BTLA: variants seen among roughly 807,000 people sequenced by gnomAD.
The protein encoded by BTLA is B and T lymphocyte associated, also known as B- and T-lymphocyte attenuator.
Under a neutral mutation model 25.0 loss-of-function variants are expected in BTLA, and 11 were observed. That is an observed-to-expected ratio of 0.44 (90% CI 0.28 to 0.73). The LOEUF is 0.73. Among genes scored for constraint, BTLA ranks in the 30% least tolerant of loss-of-function variants. BTLA has a pLI of 0.15. For synonymous variants in BTLA, 104 were observed against 119.8 expected (o/e 0.87, Z 0.86); for missense variants, 282 against 332.8 (o/e 0.85, Z 1.19).
chr3:112,476,550 A>G (rs1261613631), intron 2 of BTLA, among the ~76,000 whole-genome samples: 1 of 152,236 alleles, frequency 6.6e-6, no homozygotes, highest in African/African-American at 2.4e-5. Context: ...TGCTATTGCA[A>G]TAACCCTCTT....
At chr3:112,487,865 C>G (rs1011578959) in intron 1 of BTLA, among the ~76,000 whole-genome samples, 3 of 152,162 alleles carry the variant, frequency 2.0e-5, no homozygotes, top group Admixed American at 6.5e-5. Flanking sequence ...GGAAAGGCTT[C>G]ATGGGGGAAG....
At chr3:112,496,766 C>T (rs969477152) in intron 1 of BTLA, among the ~76,000 whole-genome samples, 1 of 148,800 alleles carries the variant, frequency 6.7e-6, no homozygotes, top group African/African-American at 2.5e-5. Context: ...AAGTCTTTCC[C>T]TTTTTTTTTT....
Position 112,479,450 on chromosome 3 carries a change from C to T in BTLA, c.403+5G>A. On this transcript the variant is annotated splice_donor_5th_base_variant and intron_variant, in intron 2 of 4. Transcript: ENST00000334529. ...TATCAGATGGTCTAGGTGTTGAGAA[C>T]TCACCTGTCACATAAAGAGTTGTTG... The T allele has an allele frequency of 1.9e-6, 3 of 1,603,072 alleles. No individual in the cohort carries two copies. The highest frequency in any genetic ancestry group is 2.6e-6 in the Non-Finnish European group (3 of 1,172,880).
At chr3:112,499,599 AGGTTG>A, upstream of BTLA, 1 of 422,292 alleles carries the variant, frequency 2.4e-6, no homozygotes, top group Non-Finnish European at 4.2e-6. Context: ...GCTTCTTGTC[AGGTTG>A]GCTGTTCACT....
chr3:112,498,357 C>T (rs1026048719), intron 1 of BTLA, among the ~76,000 whole-genome samples: 2 of 151,804 alleles, frequency 1.3e-5, no homozygotes, highest in Non-Finnish European at 2.9e-5. Flanking sequence ...CGATTGAACC[C>T]GGGAGGCAGA....
chr3:112,470,820 G>A (rs2082258105), intron 3 of BTLA, among the ~76,000 whole-genome samples: 1 of 152,198 alleles, frequency 6.6e-6, no homozygotes, highest in African/African-American at 2.4e-5. Flanking sequence ...TGGTGTGGCT[G>A]TGAAAAGAGG....
At chr3:112,486,323 C>A (rs1198662191) in intron 1 of BTLA, among the ~76,000 whole-genome samples, 2 of 152,188 alleles carry the variant, frequency 1.3e-5, no homozygotes, top group East Asian at 3.9e-4. Context: ...ATTTGAGCAA[C>A]CCCTTTCTCT....
chr3:112,484,384 T>C (rs934342185), intron 1 of BTLA, among the ~76,000 whole-genome samples: 1 of 152,212 alleles, frequency 6.6e-6, no homozygotes, highest in Non-Finnish European at 1.5e-5. Context: ...CATTTGAACA[T>C]GTCTGTTTCA....
intron 1 of BTLA, among the ~76,000 whole-genome samples, chr3:112,485,977 C>T (rs374899227): frequency 5.8e-4 from 89 of 152,224 alleles, no homozygotes; most frequent in African/African-American, 1.6e-3. Context: ...ATTAGCCGGG[C>T]GTGGTGGCGG....
chr3:112,485,190 A>G (rs1174060369), intron 1 of BTLA, among the ~76,000 whole-genome samples: 1 of 151,374 alleles, frequency 6.6e-6, no homozygotes, highest in African/African-American at 2.4e-5. Flanking sequence ...GATTACAGGC[A>G]CCCACAACCA....
intron 1 of BTLA, among the ~76,000 whole-genome samples, chr3:112,485,900 C>G (rs2082344655): frequency 6.6e-6 from 1 of 152,230 alleles, no homozygotes; most frequent in Admixed American, 6.5e-5. Context: ...ATCACGAGGT[C>G]AGGAGATAGA....
chr3:112,479,085 G>C (rs1014065096), intron 2 of BTLA, among the ~76,000 whole-genome samples: 1 of 149,282 alleles, frequency 6.7e-6, no homozygotes, highest in Admixed American at 6.7e-5. Context: ...ATGGGAAAAA[G>C]AGAAAAAAAA....
chr3:112,469,720 AC>A, intron 4 of BTLA, 37 bp downstream of exon 4: 1 of 1,575,790 alleles, frequency 6.3e-7, no homozygotes, highest in Non-Finnish European at 8.7e-7. Flanking sequence ...ACAGTATAAC[AC>A]AAATTGCATT....
In BTLA at chr3:112,484,735, A is replaced by G. The variant is rs2082337239; in HGVS notation, c.89-4966T>C. ...GCAAAGTGGGTTAGGGGTGGAGAAA[A>G]GAGCTAGCTTTTTGTGTTGGTGGCA... On this transcript the variant is annotated intron_variant, in intron 1 of 4. Coordinates refer to ENST00000334529, the MANE Select transcript of BTLA (RefSeq NM_181780.4). Among the ~76,000 whole-genome samples the G allele has an allele frequency of 2.0e-5, 3 of 152,194 alleles. No homozygotes were observed. In the South Asian group the frequency reaches 6.2e-4, roughly 32 times the overall value.
At position 112,479,556 on chromosome 3, in the gene BTLA, T is replaced by C. The variant is rs1458803288; in HGVS notation, c.302A>G (p.His101Arg). 4 of 1,614,136 alleles carry C rather than the reference T, an allele frequency of 2.5e-6. No homozygotes were observed. Among genetic ancestry groups the C allele is most frequent in the East Asian group, 2.2e-5 (1 of 44,878 alleles). The part of the protein sequence containing the change: ...EEKNISFFIL[H>R]FEPVLPNDNG... ...GTCATTAGGAAGCACTGGTTCAAAATGTAGAATGAAAAATGAAATGTTCTT... is the reference window on the plus strand; with the variant it reads ...GTCATTAGGAAGCACTGGTTCAAAACGTAGAATGAAAAATGAAATGTTCTT... The change falls in exon 2 of 5, where the codon CAT becomes CGT. Residue 101 changes from histidine (H) to arginine (R), a missense_variant. Physicochemically the swap from His to Arg is conservative, Grantham distance 29. Around this residue, in one of 2 missense-constraint regions of BTLA, gnomAD observed 163 missense variants for 230.4 expected, o/e 0.71. Coordinates refer to ENST00000334529, the MANE Select transcript of BTLA (RefSeq NM_181780.4).
chr3:112,479,800 T>A lies in BTLA; in HGVS notation c.89-31A>T, dbSNP rs1038102038. 4.0e-6 allele frequency: 6 copies of A among 1,509,856 alleles called. No individual in the cohort carries two copies. In the African/African-American group the frequency reaches 8.4e-5, roughly 21 times the overall value. The allele number at this position is 1,509,856 out of a possible 1,614,324, so 93.5% of individuals were successfully genotyped here. A position where few individuals can be genotyped will look rare whatever the true frequency, so the allele number is the denominator to read the frequency against. On this transcript the variant is annotated intron_variant, in intron 1 of 4. Coordinates refer to ENST00000334529, the MANE Select transcript of BTLA (RefSeq NM_181780.4). The stretch of plus-strand genomic sequence containing the variant: ...AGATAAAAACAAAACTAAAATCAAA[T>A]ATGTTCTTCTGGAAGTACCATATAT...
chr3:112,466,415 CACTT>C (rs770527004), intron 4 of BTLA, 32 bp from the exon 5 acceptor site: 38 of 1,523,890 alleles, frequency 2.5e-5, no homozygotes, highest in Middle Eastern at 4.1e-4. Flanking sequence ...TTTTAAGTGA[CACTT>C]ACGGCCATGG....
At chr3:112,492,915 C>G (rs913026568) in intron 1 of BTLA, among the ~76,000 whole-genome samples, 2 of 152,186 alleles carry the variant, frequency 1.3e-5, no homozygotes, top group African/African-American at 4.8e-5. Flanking sequence ...GCTCTGCCAG[C>G]TAAACTTGAT....
intron 1 of BTLA, among the ~76,000 whole-genome samples, chr3:112,487,306 C>T (rs754684801): frequency 6.6e-6 from 1 of 152,156 alleles, no homozygotes; most frequent in Non-Finnish European, 1.5e-5. Flanking sequence ...GGAAACCGGC[C>T]GGGCGTGGTG....
Sources: allele counts gnomAD v4.1 joint callset (sites outside exome capture counted in the v4.1 genomes callset), GRCh38; gene constraint gnomAD v4.1.1; regional missense constraint gnomAD v4.1.1; transcripts MANE v1.5; gene names NCBI Gene and HGNC (gene_info 2026-07-23, HGNC 2026-07-21).